Variants in PTPRG observed in about 807,000 individuals in gnomAD.
PTPRG encodes the protein protein tyrosine phosphatase receptor type G, also known as receptor-type tyrosine-protein phosphatase gamma.
PTPRG carries 102 observed loss-of-function variants against 165.3 expected under a neutral mutation model. The observed-to-expected ratio is 0.62, with a 90% CI of 0.53 to 0.73. The LOEUF is 0.73. PTPRG is among the 30% of genes least tolerant of loss of function. PTPRG has a pLI of 0.00. For missense variants in PTPRG, 1,866 were observed against 1,861.4 expected, an observed-to-expected ratio of 1.00 and a Z score of -0.05; for synonymous variants, 675 against 669.5, an observed-to-expected ratio of 1.01 and a Z score of -0.13.
chr3:61,718,720 C>T (rs964580177), intron 1 of PTPRG, among the ~76,000 whole-genome samples: 1 of 152,224 alleles, frequency 6.6e-6, no homozygotes, highest in Non-Finnish European at 1.5e-5. Flanking sequence ...CCCAGAGACT[C>T]ATAAGACAGG....
intron 2 of PTPRG, among the ~76,000 whole-genome samples, chr3:61,821,590 A>G (rs2035959963): frequency 6.6e-6 from 1 of 152,214 alleles, no homozygotes. Context: ...ATGATAAGTA[A>G]TGTGCTGTGA....
intron 24 of PTPRG, 86 bp from the exon 25 acceptor site, chr3:62,276,885 TA>T: frequency 1.0e-6 from 1 of 984,532 alleles, no homozygotes; most frequent in African/African-American, 1.6e-5. Flanking sequence ...GAGGATATGT[TA>T]TTCATCAAGC....
intron 2 of PTPRG, among the ~76,000 whole-genome samples, chr3:61,907,286 C>T (rs1042552719): frequency 6.6e-6 from 1 of 152,018 alleles, no homozygotes; most frequent in Non-Finnish European, 1.5e-5. Flanking sequence ...ATTCTAAAAC[C>T]AACAATTGAG....
intron 2 of PTPRG, among the ~76,000 whole-genome samples, chr3:61,768,559 A>T (rs1415602830): frequency 1.3e-5 from 2 of 152,198 alleles, no homozygotes; most frequent in African/African-American, 2.4e-5. Context: ...TTAGTTGAGG[A>T]GGCTGTTCAC....
chr3:61,985,845 C>G (rs1384019219), intron 2 of PTPRG, among the ~76,000 whole-genome samples: 3 of 152,162 alleles, frequency 2.0e-5, no homozygotes, highest in Admixed American at 6.5e-5. Context: ...CTTTAAAAAG[C>G]CATAGTCACC....
chr3:62,025,502 A>G (rs9822712), intron 4 of PTPRG, among the ~76,000 whole-genome samples: 21,595 of 151,964 alleles, frequency 0.14, 2,033 homozygotes, highest in African/African-American at 0.27. Flanking sequence ...ATTTTCATCT[A>G]TTTTTTTAAA....
intron 1 of PTPRG, among the ~76,000 whole-genome samples, chr3:61,747,637 T>A (rs556461262): frequency 3.1e-4 from 37 of 118,008 alleles, no homozygotes; most frequent in African/African-American, 1.1e-3. Flanking sequence ...ACAGGTTTCT[T>A]AATTTTTTTT....
At chr3:61,923,401 A>T (rs1575788788) in intron 2 of PTPRG, among the ~76,000 whole-genome samples, 2 of 151,784 alleles carry the variant, frequency 1.3e-5, no homozygotes, top group Non-Finnish European at 1.5e-5. Flanking sequence ...CTCTTTTTTT[A>T]TTTTTTATTT....
At chr3:62,124,842 G>A (rs1185672885) in intron 5 of PTPRG, among the ~76,000 whole-genome samples, 1 of 152,188 alleles carries the variant, frequency 6.6e-6, no homozygotes, top group Non-Finnish European at 1.5e-5. Context: ...ACAGGCATGA[G>A]CCACTGCGCA....
chr3:61,909,566 G>A (rs143387063), intron 2 of PTPRG, among the ~76,000 whole-genome samples: 39 of 152,118 alleles, frequency 2.6e-4, no homozygotes, highest in African/African-American at 8.0e-4. Context: ...TCCTAGGCTC[G>A]TCTTGAGCTC....
chr3:61,960,137 C>G (rs1005642376), intron 2 of PTPRG, among the ~76,000 whole-genome samples: 2 of 152,060 alleles, frequency 1.3e-5, no homozygotes, highest in Non-Finnish European at 2.9e-5. Flanking sequence ...GCTGCATTTA[C>G]ACAAGTTTGT....
At chr3:62,141,907 A>C (rs1234694010) in intron 6 of PTPRG, among the ~76,000 whole-genome samples, 2 of 151,916 alleles carry the variant, frequency 1.3e-5, no homozygotes, top group Non-Finnish European at 2.9e-5. Flanking sequence ...TCAAAAAAAA[A>C]GAAGACATGT....
chr3:62,269,163 GA>G lies in PTPRG; in HGVS notation c.3008del (p.Lys1003ArgfsTer15). ...RRFSIRNTKVKKGQKGNPKGR... is the reference protein window; with the variant it reads ...RRFSIRNTKVXKGQKGNPKGR... ...GTTTTTCAATCAGAAATACAAAAGT[GA>G]AAAAGGTATGGAAGGAATTGGGTAG... On this transcript the variant is annotated frameshift_variant, in exon 20 of 30. Transcript: ENST00000474889. LOFTEE classifies it high-confidence loss of function. The G allele has an allele frequency of 7.0e-6, 11 of 1,577,370 alleles. No individual in the cohort carries two copies. Among genetic ancestry groups the G allele is most frequent in the Non-Finnish European group, 7.8e-6 (9 of 1,154,260 alleles).
At chr3:61,658,360 G>A (rs1702566954) in intron 1 of PTPRG, among the ~76,000 whole-genome samples, 1 of 152,146 alleles carries the variant, frequency 6.6e-6, no homozygotes, top group South Asian at 2.1e-4. Flanking sequence ...CAGGTACAAG[G>A]TTAGAGGAGG....
intron 2 of PTPRG, among the ~76,000 whole-genome samples, chr3:61,933,807 C>G (rs1303310122): frequency 1.3e-5 from 2 of 152,300 alleles, no homozygotes; most frequent in Admixed American, 6.5e-5. Context: ...TGCCTTGTCT[C>G]CTCAATGATA....
intron 5 of PTPRG, among the ~76,000 whole-genome samples, chr3:62,098,923 G>A (rs1702200881): frequency 6.6e-6 from 1 of 152,218 alleles, no homozygotes; most frequent in Non-Finnish European, 1.5e-5. Flanking sequence ...ATATAGGGGT[G>A]TGAAGTGTAG....
At position 62,282,718 on chromosome 3, in the gene PTPRG, T is replaced by A; in HGVS notation, c.3913-9T>A. ...GGAAGGGATTTGACCCATGTTGTAT[T>A]GGTTACAGGATGACTATGTCTTAGA... On this transcript the variant is annotated splice_polypyrimidine_tract_variant and intron_variant, in intron 27 of 29. Transcript: ENST00000474889. 1.9e-6 allele frequency: 3 copies of A among 1,603,444 alleles called. No homozygotes were observed. Among genetic ancestry groups the A allele is most frequent in the Non-Finnish European group, 2.5e-6 (3 of 1,176,686 alleles).
At chr3:61,956,724 A>T (rs2040041722) in intron 2 of PTPRG, among the ~76,000 whole-genome samples, 1 of 152,154 alleles carries the variant, frequency 6.6e-6, no homozygotes, top group Admixed American at 6.5e-5. Context: ...GTATATTGAG[A>T]TTTTTCCTGC....
chr3:61,580,021 A>G (rs2106793959), intron 1 of PTPRG, among the ~76,000 whole-genome samples: 1 of 152,324 alleles, frequency 6.6e-6, no homozygotes, highest in South Asian at 2.1e-4. Flanking sequence ...ATTGAAAAAA[A>G]TAAAAAATAT....
Sources: allele counts gnomAD v4.1 joint callset (sites outside exome capture counted in the v4.1 genomes callset), GRCh38; gene constraint gnomAD v4.1.1; transcripts MANE v1.5; gene names NCBI Gene and HGNC (gene_info 2026-07-23, HGNC 2026-07-21).